SEMA3E: variants seen among roughly 807,000 people sequenced by gnomAD.
The protein encoded by SEMA3E is semaphorin-3E.
Under a neutral mutation model 93.6 loss-of-function variants are expected in SEMA3E, and 49 were observed. The observed-to-expected ratio is 0.52, with a 90% CI of 0.42 to 0.66. SEMA3E has a LOEUF of 0.66. SEMA3E is among the 30% of genes least tolerant of loss of function. The pLI is 0.00. For synonymous variants in SEMA3E, 363 were observed against 330.7 expected (o/e 1.10, Z -1.06); for missense variants, 906 against 964.8 (o/e 0.94, Z 0.81).
intron 4 of SEMA3E, among the ~76,000 whole-genome samples, chr7:83,450,452 C>T (rs1004824859): frequency 6.6e-6 from 1 of 152,142 alleles, no homozygotes; most frequent in African/African-American, 2.4e-5. Flanking sequence ...AAACTACACA[C>T]AACATAGATC....
chr7:83,623,492 G>C (rs1189646185), intron 1 of SEMA3E, among the ~76,000 whole-genome samples: 1 of 151,728 alleles, frequency 6.6e-6, no homozygotes, highest in Admixed American at 6.6e-5. Flanking sequence ...TTAATAACTT[G>C]TAGTGAGATT....
At chr7:83,620,770 A>G (rs1482580477) in intron 1 of SEMA3E, among the ~76,000 whole-genome samples, 1 of 152,078 alleles carries the variant, frequency 6.6e-6, no homozygotes, top group Admixed American at 6.6e-5. Flanking sequence ...TAGACACAGA[A>G]AAGGCCTTTG....
chr7:83,440,323 G>A (rs1027887295), intron 4 of SEMA3E, among the ~76,000 whole-genome samples: 1 of 152,070 alleles, frequency 6.6e-6, no homozygotes, highest in African/African-American at 2.4e-5. Context: ...GGGTGGTCTG[G>A]TTTGGGAAAG....
intron 1 of SEMA3E, among the ~76,000 whole-genome samples, chr7:83,636,684 G>A (rs10246477): frequency 0.34 from 51,559 of 151,958 alleles, 11,079 homozygotes; most frequent in African/African-American, 0.6. Context: ...GACAAAGAAC[G>A]TGTGATACTA....
intron 4 of SEMA3E, among the ~76,000 whole-genome samples, chr7:83,434,865 C>T (rs1480997641): frequency 6.6e-5 from 10 of 151,202 alleles, no homozygotes; most frequent in African/African-American, 2.2e-4. Flanking sequence ...AGGCGCCCGC[C>T]ACTACGCCCG....
chr7:83,631,735 A>G (rs936085128), intron 1 of SEMA3E, among the ~76,000 whole-genome samples: 1 of 152,224 alleles, frequency 6.6e-6, no homozygotes, highest in Non-Finnish European at 1.5e-5. Flanking sequence ...AACCACGTGC[A>G]TGAAATAAAG....
At chr7:83,372,569 C>A in intron 16 of SEMA3E, 2 of 275,784 alleles carry the variant, frequency 7.3e-6, no homozygotes, top group Non-Finnish European at 1.3e-5. Flanking sequence ...AAATCAGAAA[C>A]CCAAGTTTGA....
chr7:83,623,413 C>T (rs1044530797), intron 1 of SEMA3E, among the ~76,000 whole-genome samples: 3 of 152,056 alleles, frequency 2.0e-5, no homozygotes, highest in Non-Finnish European at 4.4e-5. Context: ...TGAACCCATT[C>T]TTATAAAAAT....
At chr7:83,433,519 C>T (rs989181990) in intron 4 of SEMA3E, among the ~76,000 whole-genome samples, 2 of 151,986 alleles carry the variant, frequency 1.3e-5, no homozygotes, top group African/African-American at 4.8e-5. Context: ...ACAATGCTTC[C>T]CAATTAGTTT....
At chr7:83,398,049 T>C (rs1788159818) in intron 11 of SEMA3E, among the ~76,000 whole-genome samples, 1 of 152,190 alleles carries the variant, frequency 6.6e-6, no homozygotes, top group Non-Finnish European at 1.5e-5. Flanking sequence ...CTAGTAAATA[T>C]TGGACAAAAT....
chr7:83,363,963 C>A lies in SEMA3E; in HGVS notation c.*3623G>T, dbSNP rs944436385. On this transcript the variant is annotated 3_prime_UTR_variant, in exon 17 of 17. Coordinates refer to ENST00000643230, the MANE Select transcript of SEMA3E (RefSeq NM_012431.3). ...ACTGCGGACTGCAGTGGCGCAATCT[C>A]GGCTCACTGCAAGCTCCGCTTCCCG... 7.2e-6 allele frequency: 1 copy of A among 139,576 alleles called. No individual in the cohort carries two copies. Among genetic ancestry groups the A allele is most frequent in the Non-Finnish European group, 1.5e-5 (1 of 65,558 alleles). 8.6% of individuals were successfully genotyped at this position (139,576 alleles called of 1,614,324 possible).
chr7:83,452,861 G>A (rs1789393747), intron 4 of SEMA3E, among the ~76,000 whole-genome samples: 1 of 152,016 alleles, frequency 6.6e-6, no homozygotes, highest in Non-Finnish European at 1.5e-5. Context: ...TAATGCCGTG[G>A]GGAACACAGC....
intron 9 of SEMA3E, among the ~76,000 whole-genome samples, chr7:83,404,808 T>C (rs922218228): frequency 2.0e-5 from 3 of 152,004 alleles, no homozygotes; most frequent in Admixed American, 6.6e-5. Flanking sequence ...TCTATGATTA[T>C]GAAATCGAGA....
chr7:83,544,284 C>T (rs1244736445), intron 1 of SEMA3E, among the ~76,000 whole-genome samples: 1 of 152,072 alleles, frequency 6.6e-6, no homozygotes, highest in Non-Finnish European at 1.5e-5. Flanking sequence ...TTGAGAAGTA[C>T]AGTGCTTGAA....
chr7:83,374,637 T>C (rs1033297109), intron 16 of SEMA3E, among the ~76,000 whole-genome samples: 1 of 152,166 alleles, frequency 6.6e-6, no homozygotes, highest in Non-Finnish European at 1.5e-5. Flanking sequence ...AGGGATAAAC[T>C]GTAAAAACAT....
Position 83,422,264 on chromosome 7 carries a change from A to T in SEMA3E, c.457-3781T>A, listed in dbSNP as rs551173798. 2.0e-5 allele frequency among the ~76,000 whole-genome samples: 3 copies of T among 152,304 alleles called. No individual in the cohort carries two copies. The East Asian group carries it at 5.8e-4, about 29-fold the overall frequency. ...GACCCAAAGGTGTGGCTAAACTTATATTCTAAGCCAAAAAAGTTTTACCTT... is the reference window on the plus strand; with the variant it reads ...GACCCAAAGGTGTGGCTAAACTTATTTTCTAAGCCAAAAAAGTTTTACCTT... On this transcript the variant is annotated intron_variant, in intron 4 of 16. Transcript: ENST00000643230.
At chr7:83,468,336 T>C (rs544643624) in intron 3 of SEMA3E, among the ~76,000 whole-genome samples, 1 of 152,318 alleles carries the variant, frequency 6.6e-6, no homozygotes, top group African/African-American at 2.4e-5. Flanking sequence ...GCACCTGCAC[T>C]TCCTCTCTTG....
rs1179964336 is a variant in SEMA3E at position 83,402,646 on chromosome 7, G to A, written c.1129C>T (p.Pro377Ser). 1.2e-6 allele frequency: 2 copies of A among 1,612,314 alleles called. No homozygotes were observed. The highest frequency in any genetic ancestry group is 1.3e-5 in the African/African-American group (1 of 74,816). ...WSVYEGKVPY[P>S]RPGSCASKVN... ...ACTAAACTTACAGAACCAGGCCTTG[G>A]ATAAGGGACTTTTCCTTCATAGACT... The change falls in exon 10 of 17, where the codon CCA becomes TCA. Residue 377 changes from proline to serine, a missense_variant. Coordinates refer to ENST00000643230, the MANE Select transcript of SEMA3E (RefSeq NM_012431.3).
chr7:83,405,827 G>A (rs1457015347), intron 8 of SEMA3E, 118 bp downstream of exon 8: 1 of 813,254 alleles, frequency 1.2e-6, no homozygotes, highest in East Asian at 2.6e-5. Context: ...ACAGAAACTT[G>A]CTCTATGTTA....
Sources: allele counts gnomAD v4.1 joint callset (sites outside exome capture counted in the v4.1 genomes callset), GRCh38; gene constraint gnomAD v4.1.1; transcripts MANE v1.5; gene names NCBI Gene and HGNC (gene_info 2026-07-23, HGNC 2026-07-21).